The following SLC24A1 variants were observed in gnomAD, a reference collection of about 807,000 sequenced individuals.
SLC24A1 encodes solute carrier family 24 member 1.
SLC24A1 carries 52 observed loss-of-function variants against 88.1 expected under a neutral mutation model. That is an observed-to-expected ratio of 0.59 (90% CI 0.47 to 0.74). SLC24A1 has a LOEUF of 0.74. Among genes scored for constraint, SLC24A1 ranks in the 30% least tolerant of loss-of-function variants. The probability of loss-of-function intolerance (pLI) is 0.00; values close to 1 mark genes in which losing one functional copy is unlikely to be tolerated. For synonymous variants in SLC24A1, 455 were observed against 498.0 expected (o/e 0.91, Z 1.15); for missense variants, 1,173 against 1,363.3 (o/e 0.86, Z 2.20).
At chr15:65,637,772 A>C (rs891724573) in intron 2 of SLC24A1, among the ~76,000 whole-genome samples, 2 of 152,190 alleles carry the variant, frequency 1.3e-5, no homozygotes, top group African/African-American at 4.8e-5. Context: ...GTGACACTTA[A>C]GTGGAGACCA....
At chr15:65,626,593 A>T (rs2074527053) in intron 2 of SLC24A1, among the ~76,000 whole-genome samples, 1 of 152,160 alleles carries the variant, frequency 6.6e-6, no homozygotes, top group Non-Finnish European at 1.5e-5. Flanking sequence ...CTGGGGACAG[A>T]GCCCTTCTCT....
intron 2 of SLC24A1, among the ~76,000 whole-genome samples, chr15:65,633,517 G>A (rs1457352586): frequency 3.3e-5 from 5 of 151,938 alleles, no homozygotes; most frequent in Non-Finnish European, 5.9e-5. Context: ...AAAATTAGCC[G>A]GATGTGGTGG....
intron 4 of SLC24A1, among the ~76,000 whole-genome samples, chr15:65,642,442 G>C (rs546861573): frequency 6.6e-6 from 1 of 152,206 alleles, no homozygotes; most frequent in African/African-American, 2.4e-5. Context: ...AACATGGGAA[G>C]TGAGAGTCTA....
In SLC24A1 at chr15:65,650,971, CTT is replaced by C. The variant is rs751161580; in HGVS notation, c.2793+31_2793+32del. The C allele has an allele frequency of 5.3e-4, 842 of 1,596,248 alleles. No individual in the cohort carries two copies. Among genetic ancestry groups the C allele is most frequent in the Non-Finnish European group, 6.7e-4 (783 of 1,163,802 alleles). On this transcript the variant is annotated intron_variant, in intron 7 of 9. Transcript: ENST00000261892. This position sits in a 1 kb window ranked among gnomAD's most constrained non-coding sequence, Gnocchi z 4.1. ...AGTGTGCCCATCTGTATCTCAGACT[CTT>C]TATCCCCAGCAGGGCTGTGGGGTCT...
chr15:65,655,550 G>A lies in SLC24A1; in HGVS notation c.*1471G>A, dbSNP rs2075653472. On this transcript the variant is annotated 3_prime_UTR_variant, in exon 10 of 10. Transcript: ENST00000261892. ...GCTGCTTTTACTAGAATCAAGTTAA[G>A]GGACACGTTAGAAATAGAACAGCTT... 5 of 985,230 alleles carry A rather than the reference G, an allele frequency of 5.1e-6. No individual in the cohort carries two copies. The highest frequency in any genetic ancestry group is 1.7e-5 in the African/African-American group (1 of 57,212). 61.0% of individuals were successfully genotyped at this position (985,230 alleles called of 1,614,324 possible). A position where few individuals can be genotyped will look rare whatever the true frequency, so the allele number is the denominator to read the frequency against.
chr15:65,656,382 T>C, downstream of SLC24A1: 1 of 347,874 alleles, frequency 2.9e-6, no homozygotes, highest in Non-Finnish European at 4.0e-6. Flanking sequence ...TCTTGATGAA[T>C]GAGTAGGAAT....
intron 2 of SLC24A1, among the ~76,000 whole-genome samples, chr15:65,613,480 T>TTGTGTGTGTGTGTGTGTGTGTGTGTG (rs35141100): frequency 3.3e-4 from 49 of 149,122 alleles, no homozygotes; most frequent in African/African-American, 1.1e-3. Context: ...CAGGGTGATT[T>TTGTGTGTGTGTGTGTGTGTGTGTGTG]TGTGTGTGTG....
At chr15:65,648,056 C>T (rs555900329) in intron 6 of SLC24A1, among the ~76,000 whole-genome samples, 78 of 152,216 alleles carry the variant, frequency 5.1e-4, no homozygotes, top group African/African-American at 1.7e-3. Context: ...CTCAGGAGAT[C>T]GAGACCATCC....
At chr15:65,617,131 G>A (rs1296454493), upstream of SLC24A1, among the ~76,000 whole-genome samples, 1 of 152,198 alleles carries the variant, frequency 6.6e-6, no homozygotes. Context: ...CTGTAGCCTT[G>A]TAGTATAGTT....
intron 4 of SLC24A1, 48 bp from the exon 5 acceptor site, chr15:65,644,379 G>T: frequency 1.5e-6 from 2 of 1,312,964 alleles, no homozygotes; most frequent in Non-Finnish European, 2.2e-6. Flanking sequence ...GCGTGGCAGG[G>T]ATGATCCTAC....
Position 65,650,776 on chromosome 15 carries a change from A to C in SLC24A1, c.2627A>C (p.Glu876Ala), listed in dbSNP as rs760980484. Residue 876 changes from glutamate (E) to alanine (A), a missense_variant, in exon 7 of 10, where the codon GAA becomes GCA. Transcript: ENST00000261892. The surrounding 1 kb of genome is among the most constrained non-coding windows in gnomAD (Gnocchi z 4.1). ...GAGCAGGAGGAAGAGGAGGAGGAGGAAGAGCAGGAGGAAGAGGAGGAGGAG... is the reference window on the plus strand; with the variant it reads ...GAGCAGGAGGAAGAGGAGGAGGAGGCAGAGCAGGAGGAAGAGGAGGAGGAG... ...EEEQEEEEEE[E>A]EQEEEEEEEE... is the part of the protein sequence containing the mutation. The C allele has an allele frequency of 1.2e-6, 2 of 1,611,240 alleles. No individual in the cohort carries two copies. Among genetic ancestry groups the C allele is most frequent in the Admixed American group, 3.3e-5 (2 of 59,742 alleles).
chr15:65,640,385 C>T (rs1473099636), intron 4 of SLC24A1, among the ~76,000 whole-genome samples: 1 of 152,196 alleles, frequency 6.6e-6, no homozygotes, highest in Non-Finnish European at 1.5e-5. Context: ...TCACTGTCCA[C>T]CTTACCACAT....
At chr15:65,640,111 G>T (rs938750660) in intron 4 of SLC24A1, among the ~76,000 whole-genome samples, 4 of 152,200 alleles carry the variant, frequency 2.6e-5, no homozygotes, top group Non-Finnish European at 5.9e-5. Flanking sequence ...AAGCAGCTCA[G>T]CCCAGGCTGA....
At chr15:65,623,629 A>C (rs983153056) in intron 1 of SLC24A1, among the ~76,000 whole-genome samples, 6 of 152,166 alleles carry the variant, frequency 3.9e-5, no homozygotes, top group Non-Finnish European at 7.3e-5. Flanking sequence ...CCAGGATCTT[A>C]GGCTTGGACC....
At chr15:65,657,424 G>T (rs2075718690), downstream of SLC24A1, among the ~76,000 whole-genome samples, 1 of 152,108 alleles carries the variant, frequency 6.6e-6, no homozygotes, top group South Asian at 2.1e-4. Flanking sequence ...GGCGGATCAC[G>T]AGGTCAGTAG....
At chr15:65,658,115 C>G (rs2075742647), downstream of SLC24A1, 1 of 152,202 alleles carries the variant, frequency 6.6e-6, no homozygotes, top group South Asian at 2.1e-4. Flanking sequence ...CATGCGCAGA[C>G]TTTTGTAATC....
chr15:65,636,883 A>G (rs2074956286), intron 2 of SLC24A1, among the ~76,000 whole-genome samples: 1 of 150,314 alleles, frequency 6.7e-6, no homozygotes, highest in Non-Finnish European at 1.5e-5. Flanking sequence ...AATAATAATA[A>G]TAATAATAAT....
At chr15:65,620,896 C>T (rs1214793877), upstream of SLC24A1, among the ~76,000 whole-genome samples, 1 of 152,126 alleles carries the variant, frequency 6.6e-6, no homozygotes, top group African/African-American at 2.4e-5. Context: ...TTGTTCTGCC[C>T]ACAGCAGCAT....
At chr15:65,651,597 G>C in intron 7 of SLC24A1, 73 bp from the exon 8 acceptor site, 1 of 769,320 alleles carries the variant, frequency 1.3e-6, no homozygotes, top group Non-Finnish European at 2.3e-6. Flanking sequence ...CTGATTGTTG[G>C]GCTTGCTCAG....
Sources: allele counts gnomAD v4.1 joint callset (sites outside exome capture counted in the v4.1 genomes callset), GRCh38; gene constraint gnomAD v4.1.1; non-coding constraint Gnocchi (gnomAD v3.1); transcripts MANE v1.5; gene names NCBI Gene and HGNC (gene_info 2026-07-23, HGNC 2026-07-21).